Variants in USP30 observed in about 807,000 individuals in gnomAD.
The protein encoded by USP30 is ubiquitin carboxyl-terminal hydrolase 30.
A neutral mutation model predicts 68.2 loss-of-function variants in USP30; 41 were observed. That is an observed-to-expected ratio of 0.60 (90% confidence interval 0.47 to 0.78). The LOEUF is 0.78. Among genes scored for constraint, USP30 ranks in the 30% least tolerant of loss-of-function variants. The pLI is 0.00. For synonymous variants in USP30, 229 were observed against 253.7 expected (o/e 0.90, Z 0.93); for missense variants, 522 against 649.4 (o/e 0.80, Z 2.13).
rs181335788 is a variant in USP30 at position 109,055,874 on chromosome 12, G to A, written c.84-808G>A. 1.5e-4 allele frequency among the ~76,000 whole-genome samples: 22 copies of A among 151,376 alleles called. 1 individual carries two copies. In the East Asian group the frequency reaches 4.1e-3, roughly 28 times the overall value. ...CGAATAGGTTAATTTTATGTTAGAA[G>A]GTGGTTAAGTTCTATGGTAAAAAGA... On this transcript the variant is annotated intron_variant, in intron 1 of 12. Coordinates refer to ENST00000257548, the MANE Select transcript of USP30 (RefSeq NM_032663.5).
Position 109,067,410 on chromosome 12 carries a change from C to A in USP30, c.377-114C>A, listed in dbSNP as rs575655797. On this transcript the variant is annotated intron_variant, in intron 3 of 12. Transcript: ENST00000257548. ...GGGATTACAGGCATGAGCCACCACACCCAGCCTGCGGTCTTTAATTTTTAA... is the reference window on the plus strand; with the variant it reads ...GGGATTACAGGCATGAGCCACCACAACCAGCCTGCGGTCTTTAATTTTTAA... 18 of 908,632 alleles carry A rather than the reference C, an allele frequency of 2.0e-5. No homozygotes were observed. In the East Asian group the frequency reaches 4.6e-4, roughly 23 times the overall value. 56.3% of individuals were successfully genotyped at this position (908,632 alleles called of 1,614,324 possible).
chr12:109,084,187 C>T (rs1033878185), intron 11 of USP30, among the ~76,000 whole-genome samples: 1 of 152,168 alleles, frequency 6.6e-6, no homozygotes, highest in Non-Finnish European at 1.5e-5. Context: ...GTGATCACAC[C>T]ACTGTGCTCC....
chr12:109,027,452 T>A (rs913651223), intron 2 of USP30: 5 of 152,100 alleles, frequency 3.3e-5, no homozygotes, highest in Non-Finnish European at 7.4e-5. Flanking sequence ...TTTATTTATT[T>A]ATTTTTCTGT....
At chr12:109,033,088 A>AT (rs1236921316) in intron 3 of USP30, among the ~76,000 whole-genome samples, 1 of 152,198 alleles carries the variant, frequency 6.6e-6, no homozygotes, top group Non-Finnish European at 1.5e-5. Flanking sequence ...ATGGCACTTA[A>AT]TTTTTTAAAA....
chr12:109,035,850 A>G (rs2135665351), intron 3 of USP30, among the ~76,000 whole-genome samples: 1 of 152,324 alleles, frequency 6.6e-6, no homozygotes, highest in East Asian at 1.9e-4. Flanking sequence ...AAAATCAGAT[A>G]CACAAAAAAA....
At chr12:109,042,433 C>G (rs1347929177) in intron 3 of USP30, among the ~76,000 whole-genome samples, 1 of 152,120 alleles carries the variant, frequency 6.6e-6, no homozygotes, top group Non-Finnish European at 1.5e-5. Flanking sequence ...CTTTTATTCT[C>G]TCACACAAAT....
chr12:109,044,325 A>G (rs1023672148), intron 3 of USP30, among the ~76,000 whole-genome samples: 1 of 152,214 alleles, frequency 6.6e-6, no homozygotes, highest in African/African-American at 2.4e-5. Flanking sequence ...ATGTCTTTCA[A>G]TACCACTGAA....
intron 6 of USP30, 45 bp from the exon 7 acceptor site, chr12:109,073,393 C>A: frequency 7.2e-7 from 1 of 1,379,832 alleles, no homozygotes; most frequent in Non-Finnish European, 1.0e-6. Context: ...GAGCTTGGTG[C>A]CAAAGGGCTA....
intron 1 of USP30, chr12:109,054,581 A>G (rs2040783224): frequency 6.6e-6 from 1 of 152,398 alleles, no homozygotes; most frequent in East Asian, 1.9e-4. Flanking sequence ...GCTTTCATGA[A>G]TGATCCTGAG....
At chr12:109,034,397 T>C (rs1212996660) in intron 3 of USP30, among the ~76,000 whole-genome samples, 1 of 152,204 alleles carries the variant, frequency 6.6e-6, no homozygotes, top group African/African-American at 2.4e-5. Context: ...ATATGGTCTA[T>C]CTTGAGGAAT....
At chr12:109,072,540 C>A (rs2041478681) in intron 6 of USP30, among the ~76,000 whole-genome samples, 190 bp downstream of exon 6, 1 of 152,112 alleles carries the variant, frequency 6.6e-6, no homozygotes, top group African/African-American at 2.4e-5. Context: ...TGCACCCCAG[C>A]CCAGCTGACT....
intron 1 of USP30, 86 bp downstream of exon 1, chr12:109,052,847 T>A (rs1211431432): frequency 7.6e-7 from 1 of 1,314,624 alleles, no homozygotes; most frequent in East Asian, 3.0e-5. Context: ...ATGCCCTAGT[T>A]GGGGTCTCCA....
At chr12:109,062,984 G>A (rs539531552) in intron 3 of USP30, among the ~76,000 whole-genome samples, 5 of 151,978 alleles carry the variant, frequency 3.3e-5, no homozygotes, top group Admixed American at 1.3e-4. Flanking sequence ...CTCATTAAGC[G>A]GACTCATATA....
intron 3 of USP30, 111 bp from the exon 4 acceptor site, chr12:109,067,413 A>G (rs1300332227): frequency 1.1e-6 from 1 of 946,646 alleles, no homozygotes; most frequent in Non-Finnish European, 1.6e-6. Context: ...CACCACACCC[A>G]GCCTGCGGTC....
At chr12:109,083,393 G>A (rs2041859631) in intron 11 of USP30, among the ~76,000 whole-genome samples, 1 of 151,992 alleles carries the variant, frequency 6.6e-6, no homozygotes, top group Non-Finnish European at 1.5e-5. Flanking sequence ...TCTTTTTTCG[G>A]TCATGTCATT....
chr12:109,063,637 T>G (rs1182372461), intron 3 of USP30, among the ~76,000 whole-genome samples: 1 of 152,220 alleles, frequency 6.6e-6, no homozygotes, highest in East Asian at 1.9e-4. Flanking sequence ...TTTCCACAGA[T>G]GGTGCACGAT....
At chr12:109,053,984 T>C in intron 1 of USP30, 1 of 455,942 alleles carries the variant, frequency 2.2e-6, no homozygotes, top group Non-Finnish European at 4.4e-6. Flanking sequence ...TAGTTTCTTC[T>C]GCTATAAAAA....
At chr12:109,051,974 C>T (rs1025558428), upstream of USP30, among the ~76,000 whole-genome samples, 1 of 152,284 alleles carries the variant, frequency 6.6e-6, no homozygotes, top group East Asian at 1.9e-4. Flanking sequence ...ACAGACAGAC[C>T]GAACTGCCAA....
chr12:109,058,724 A>G (rs1593248196), intron 3 of USP30, among the ~76,000 whole-genome samples: 1 of 152,230 alleles, frequency 6.6e-6, no homozygotes, highest in Non-Finnish European at 1.5e-5. Context: ...TAAAAAAAAA[A>G]TGTCCGTTAG....
Sources: gnomAD v4.1 joint callset for allele counts (sites outside exome capture counted in the v4.1 genomes callset) on GRCh38, gnomAD v4.1.1 for gene constraint, MANE v1.5 for transcripts, NCBI Gene and HGNC (gene_info 2026-07-23, HGNC 2026-07-21) for gene names.